Variants in P2RX5 observed in about 807,000 individuals in gnomAD.
The protein encoded by P2RX5 is purinergic receptor P2X 5.
In P2RX5, 46 loss-of-function variants were observed where a neutral mutation model predicts 54.1. That is an observed-to-expected ratio of 0.85 (90% CI 0.67 to 1.09). The LOEUF (loss-of-function observed/expected upper bound fraction) is 1.09, where lower values mean the gene tolerates loss of function less well. Ranked by LOEUF, P2RX5 falls within the 50% of genes least tolerant of loss-of-function variation. The pLI is 0.00. For missense variants in P2RX5, 566 were observed against 549.8 expected (o/e 1.03, Z -0.29); for synonymous variants, 226 against 226.4 (o/e 1.00, Z 0.02).
the P2RX5 span, among the ~76,000 whole-genome samples, chr17:3,703,664 A>G: frequency 6.6e-6 from 1 of 152,186 alleles, no homozygotes; most frequent in Non-Finnish European, 1.5e-5. Flanking sequence ...TCACCCCTGC[A>G]GCCTCTGAAG....
rs184186747 is a variant in P2RX5 at position 3,693,864 on chromosome 17, C to T, written c.137+2005G>A. On this transcript the variant is annotated intron_variant, in intron 1 of 11. Transcript: ENST00000225328. ...TTTTTGAGACAGTCTTGCTCTGCTG[C>T]CCAGGCTGCTGGAGTGCACTGGTGC... 2.0e-3 allele frequency among the ~76,000 whole-genome samples: 309 copies of T among 151,674 alleles called. 1 individual carries two copies. The highest frequency in any genetic ancestry group is 3.7e-3 in the Non-Finnish European group (250 of 67,934).
intron 11 of P2RX5, chr17:3,677,521 T>TCC: frequency 1.0e-6 from 1 of 985,416 alleles, no homozygotes; most frequent in Non-Finnish European, 1.2e-6. Context: ...AGCCCAAATG[T>TCC]CCCCTTGGGT....
intron 7 of P2RX5, among the ~76,000 whole-genome samples, chr17:3,689,139 C>T (rs1045004288): frequency 1.7e-4 from 26 of 152,270 alleles, no homozygotes; most frequent in Admixed American, 5.9e-4. Context: ...GTGGTCTGAG[C>T]GCTGCCACAG....
intron 1 of P2RX5, 189 bp from the exon 2 acceptor site, chr17:3,691,983 C>T (rs1434115723): frequency 6.3e-6 from 4 of 637,162 alleles, no homozygotes; most frequent in Non-Finnish European, 1.1e-5. Context: ...CCCAGTCCTG[C>T]AAGCAGCAGA....
chr17:3,702,718 A>G, the P2RX5 span, among the ~76,000 whole-genome samples: 1 of 152,032 alleles, frequency 6.6e-6, no homozygotes, highest in South Asian at 2.1e-4. Flanking sequence ...GAACTGTAAC[A>G]CTCACCACGA....
intron 9 of P2RX5, among the ~76,000 whole-genome samples, chr17:3,685,357 C>T (rs547653229): frequency 1.3e-5 from 2 of 152,310 alleles, no homozygotes; most frequent in East Asian, 3.9e-4. Flanking sequence ...CGTGAAATCC[C>T]AGAAAGCCCT....
In P2RX5 at chr17:3,681,812, A is replaced by G. The variant is rs2050291188; in HGVS notation, c.1064+84T>C. 8.9e-6 allele frequency: 8 copies of G among 899,396 alleles called. No individual in the cohort carries two copies. In the Middle Eastern group the frequency reaches 8.4e-4, roughly 94 times the overall value. 55.7% of individuals were successfully genotyped at this position (899,396 alleles called of 1,614,324 possible). A position where few individuals can be genotyped will look rare whatever the true frequency, so the allele number is the denominator to read the frequency against. On this transcript the variant is annotated intron_variant, in intron 10 of 11. Coordinates refer to ENST00000225328, the MANE Select transcript of P2RX5 (RefSeq NM_002561.4). ...CCCCTGCCTCCCACCCCAGCCATCA[A>G]TATCACATCAGGGCAAAGGCTCGAA...
At chr17:3,683,104 A>G (rs975956339) in intron 9 of P2RX5, among the ~76,000 whole-genome samples, 1 of 152,018 alleles carries the variant, frequency 6.6e-6, no homozygotes, top group Non-Finnish European at 1.5e-5. Flanking sequence ...AGCCCCTCAC[A>G]CCCAAAACGT....
intron 9 of P2RX5, 139 bp from the exon 10 acceptor site, chr17:3,682,117 T>C: frequency 1.4e-6 from 1 of 700,262 alleles, no homozygotes; most frequent in Non-Finnish European, 2.6e-6. Flanking sequence ...GAAACTGGGC[T>C]CAGCAAGGGG....
the P2RX5 span, among the ~76,000 whole-genome samples, chr17:3,705,589 A>C: frequency 6.6e-6 from 1 of 152,062 alleles, no homozygotes; most frequent in Non-Finnish European, 1.5e-5. Flanking sequence ...CCTCGCTGTC[A>C]CAGTTGGGTA....
chr17:3,699,587 A>T (rs1316187867), upstream of P2RX5, among the ~76,000 whole-genome samples: 2 of 151,906 alleles, frequency 1.3e-5, no homozygotes, highest in African/African-American at 4.8e-5. Flanking sequence ...CAGGTAGATC[A>T]CGAGGTCAAA....
chr17:3,678,179 T>G, intron 11 of P2RX5: 1 of 899,708 alleles, frequency 1.1e-6, no homozygotes, highest in South Asian at 5.1e-5. Flanking sequence ...GAGAGGACTG[T>G]CGGGAGCCGG....
At position 3,681,928 on chromosome 17, in the gene P2RX5, C is replaced by G. The variant is rs779590770; in HGVS notation, c.1032G>C (p.Glu344Asp). The change falls in exon 10 of 12, where the codon GAG becomes GAC. Residue 344 changes from glutamate to aspartate, a missense_variant. By Grantham distance (45) the Glu-to-Asp change is conservative (BLOSUM62 2). Coordinates refer to ENST00000225328, the MANE Select transcript of P2RX5 (RefSeq NM_002561.4). ...CCTCGTACTTCTTGTCACGGTAAAA[C>G]TCTCTCTTTTTGATGAGGTAGATGA... Reference protein sequence around the residue: ...LVLIYLIKKREFYRDKKYEEV... With the variant: ...LVLIYLIKKRDFYRDKKYEEV... 3.1e-6 allele frequency: 5 copies of G among 1,613,892 alleles called. No individual in the cohort carries two copies. The highest frequency in any genetic ancestry group is 4.2e-6 in the Non-Finnish European group (5 of 1,179,792).
intron 11 of P2RX5, chr17:3,677,276 G>C (rs2142995066): frequency 1.0e-6 from 1 of 985,318 alleles, no homozygotes; most frequent in Middle Eastern, 5.2e-4. Context: ...GGGTGGGGAG[G>C]GCAGGAGCTC....
In P2RX5 at chr17:3,677,634, G is replaced by C. The variant is rs1021349308; in HGVS notation, c.1259+1956C>G. Reference sequence around the variant, plus strand: ...CCAGCTGGAGTGGCTGGGCCTGGCTGTGATGTCTCTGTTGGCTTTGGAGGA... The same window carrying C: ...CCAGCTGGAGTGGCTGGGCCTGGCTCTGATGTCTCTGTTGGCTTTGGAGGA... On this transcript the variant is annotated intron_variant, in intron 11 of 11. Transcript: ENST00000225328. 3.0e-6 allele frequency: 3 copies of C among 985,280 alleles called. No individual in the cohort carries two copies. In the African/African-American group the frequency reaches 5.2e-5, roughly 17 times the overall value. The allele number at this position is 985,280 out of a possible 1,614,324, so 61.0% of individuals were successfully genotyped here. A position where few individuals can be genotyped will look rare whatever the true frequency, so the allele number is the denominator to read the frequency against.
chr17:3,705,124 G>A, the P2RX5 span, among the ~76,000 whole-genome samples: 6 of 152,102 alleles, frequency 3.9e-5, no homozygotes, highest in African/African-American at 7.2e-5. Flanking sequence ...AGTTCCCGGC[G>A]CTGGCTTCCC....
At position 3,695,994 on chromosome 17, in the gene P2RX5, C is replaced by G. The variant is rs755356212; in HGVS notation, c.12G>C (p.Ala4=). ...GCGACAGGCAGAGCCCCTTGCAGCC[C>G]GCCTGCCCCATGGCGCGCTCTCAGC... MGQ[A]GCKGLCLSLF... is the part of the protein sequence containing the mutation. Residue 4 remains alanine, a synonymous_variant, in exon 1 of 12, where the codon GCG becomes GCC. Transcript: ENST00000225328. 2.5e-6 allele frequency: 4 copies of G among 1,613,856 alleles called. No homozygotes were observed. In the South Asian group the frequency reaches 4.4e-5, roughly 18 times the overall value.
At chr17:3,723,483 G>C in the P2RX5 span, 5 of 1,029,492 alleles carry the variant, frequency 4.9e-6, no homozygotes, top group Admixed American at 7.1e-5. Flanking sequence ...TCCCAGAATA[G>C]AGGGTGTGAG....
In P2RX5 at chr17:3,696,083, G is replaced by T. The variant is rs1038921778; in HGVS notation, c.-78C>A. The T allele has an allele frequency of 2.1e-6, 3 of 1,453,584 alleles. No individual in the cohort carries two copies. Among genetic ancestry groups the T allele is most frequent in the Non-Finnish European group, 2.7e-6 (3 of 1,095,262 alleles). The allele number at this position is 1,453,584 out of a possible 1,614,324, so 90.0% of individuals were successfully genotyped here. ...GAGCACTCGGTCCCTCGGTCCCTGC[G>T]CGCCCGGCGCCCGCCTCGGCCCGTC... On this transcript the variant is annotated 5_prime_UTR_variant, in exon 1 of 12. Transcript: ENST00000225328.
Sources: allele counts gnomAD v4.1 joint callset (sites outside exome capture counted in the v4.1 genomes callset), GRCh38; gene constraint gnomAD v4.1.1; transcripts MANE v1.5; gene names NCBI Gene and HGNC (gene_info 2026-07-23, HGNC 2026-07-21).